PLCG2: variants seen among roughly 807,000 people sequenced by gnomAD.
PLCG2 encodes the protein 1-phosphatidylinositol 4,5-bisphosphate phosphodiesterase gamma-2.
A neutral mutation model predicts 175.6 loss-of-function variants in PLCG2; 69 were observed. The observed-to-expected ratio is 0.39, with a 90% confidence interval of 0.32 to 0.48. The LOEUF (loss-of-function observed/expected upper bound fraction) is 0.48. PLCG2 is among the 20% of genes least tolerant of loss of function. The pLI, the probability that PLCG2 is intolerant of heterozygous loss-of-function variation, is 0.91. For synonymous variants in PLCG2, 827 were observed against 624.0 expected (o/e 1.33, Z -4.85); for missense variants, 1,798 against 1,650.9 (o/e 1.09, Z -1.54).
intron 3 of PLCG2, among the ~76,000 whole-genome samples, chr16:81,856,125 C>A (rs1567500658): frequency 6.6e-6 from 1 of 152,178 alleles, no homozygotes; most frequent in Non-Finnish European, 1.5e-5. Context: ...GATTTTGATT[C>A]ACATTCCATC....
intron 30 of PLCG2, among the ~76,000 whole-genome samples, chr16:81,943,307 A>G (rs1001392993): frequency 1.3e-5 from 2 of 152,232 alleles, no homozygotes; most frequent in African/African-American, 4.8e-5. Context: ...GGGAGGCCTC[A>G]GGAAATTTAC....
At chr16:81,878,745 C>G (rs929563338) in intron 7 of PLCG2, among the ~76,000 whole-genome samples, 1 of 152,204 alleles carries the variant, frequency 6.6e-6, no homozygotes. Context: ...CGTGTCAAAG[C>G]TGGTCACTCT....
chr16:81,883,193 C>T (rs1567514975), intron 8 of PLCG2, 76 bp from the exon 9 acceptor site: 2 of 1,299,432 alleles, frequency 1.5e-6, no homozygotes, highest in South Asian at 2.4e-5. Flanking sequence ...CAGGCTGCCC[C>T]ATTGGCTGGC....
intron 7 of PLCG2, among the ~76,000 whole-genome samples, chr16:81,874,439 C>G (rs573668276): frequency 1.5e-4 from 23 of 152,306 alleles, no homozygotes; most frequent in Non-Finnish European, 3.2e-4. Context: ...AACAAAGTCC[C>G]AAGCTATGTA....
Position 81,937,577 on chromosome 16 carries a change from C to G in PLCG2, c.3053-181C>G, listed in dbSNP as rs1476567169. 3 of 439,174 alleles carry G rather than the reference C, an allele frequency of 6.8e-6. No homozygotes were observed. In the East Asian group the frequency reaches 1.0e-4, roughly 15 times the overall value. 27.2% of individuals were successfully genotyped at this position (439,174 alleles called of 1,614,324 possible). A position where few individuals can be genotyped will look rare whatever the true frequency, so the allele number is the denominator to read the frequency against. On this transcript the variant is annotated intron_variant, in intron 27 of 32. Coordinates refer to ENST00000564138, the MANE Select transcript of PLCG2 (RefSeq NM_002661.5). ...GGTGACATACTTGGAAAGGTGTTCC[C>G]CAGTCTGGGAGTTTGCTGTCTAGAA...
In PLCG2 at chr16:81,960,788, A is replaced by G; in HGVS notation, c.*2790A>G. 1 of 229,478 alleles carries G rather than the reference A, an allele frequency of 4.4e-6. No homozygotes were observed. Among genetic ancestry groups the G allele is most frequent in the Non-Finnish European group, 8.6e-6 (1 of 115,704 alleles). The allele number at this position is 229,478 out of a possible 1,614,324, so 14.2% of individuals were successfully genotyped here. On this transcript the variant is annotated 3_prime_UTR_variant, in exon 33 of 33. Coordinates refer to ENST00000564138, the MANE Select transcript of PLCG2 (RefSeq NM_002661.5). Reference sequence around the variant, plus strand: ...TAAGTCGCCATGGCCAGTGGCCTTTAGATTAAGCTAGCCTTACCCCTGGGA... The same window carrying G: ...TAAGTCGCCATGGCCAGTGGCCTTTGGATTAAGCTAGCCTTACCCCTGGGA...
At chr16:81,880,042 C>T (rs926127875) in intron 7 of PLCG2, among the ~76,000 whole-genome samples, 6 of 152,160 alleles carry the variant, frequency 3.9e-5, no homozygotes, top group African/African-American at 1.4e-4. Flanking sequence ...GAGTTCAAGA[C>T]CATCCTGGGC....
chr16:81,841,023 A>G (rs1410626163), intron 2 of PLCG2, among the ~76,000 whole-genome samples: 2 of 152,176 alleles, frequency 1.3e-5, no homozygotes, highest in African/African-American at 2.4e-5. Context: ...AATATGAAGC[A>G]TTAGAATCAC....
upstream of PLCG2, among the ~76,000 whole-genome samples, chr16:81,777,901 C>T (rs1469668025): frequency 2.0e-5 from 3 of 151,534 alleles, no homozygotes; most frequent in Non-Finnish European, 4.4e-5. Flanking sequence ...CCTATAATCC[C>T]AGCTACTCAG....
intron 30 of PLCG2, 81 bp from the exon 31 acceptor site, chr16:81,946,094 A>T: frequency 9.7e-7 from 1 of 1,034,842 alleles, no homozygotes; most frequent in Admixed American, 1.7e-5. Context: ...TAGGCCTATG[A>T]TCCCGAGGTA....
At chr16:81,943,939 A>C (rs1246450068) in intron 30 of PLCG2, among the ~76,000 whole-genome samples, 1 of 152,210 alleles carries the variant, frequency 6.6e-6, no homozygotes, top group East Asian at 1.9e-4. Flanking sequence ...ATGCTCTCAA[A>C]CATGCACAGC....
intron 2 of PLCG2, among the ~76,000 whole-genome samples, chr16:81,790,774 C>T (rs1037322363): frequency 1.3e-5 from 2 of 152,114 alleles, no homozygotes; most frequent in African/African-American, 4.8e-5. Flanking sequence ...TTGCCTCTCC[C>T]TCCCTACTCC....
Position 81,786,128 on chromosome 16 carries a change from A to T in PLCG2, c.139A>T (p.Met47Leu). Reference sequence around the variant, plus strand: ...CGAGCGGAGAACCGTCCAGGTGATCATGGAGACGCGGCAGGTGGCCTGGAG... The same window carrying T: ...CGAGCGGAGAACCGTCCAGGTGATCTTGGAGACGCGGCAGGTGGCCTGGAG... ...TPERRTVQVI[M>L]ETRQVAWSKT... The change falls in exon 2 of 33, where the codon ATG (methionine) becomes TTG (leucine). Residue 47 changes from methionine to leucine, a missense_variant. Coordinates refer to ENST00000564138, the MANE Select transcript of PLCG2 (RefSeq NM_002661.5). The T allele has an allele frequency of 6.2e-7, 1 of 1,614,200 alleles. No homozygotes were observed. The highest frequency in any genetic ancestry group is 1.3e-5 in the African/African-American group (1 of 75,056).
intron 2 of PLCG2, among the ~76,000 whole-genome samples, chr16:81,771,509 G>A (rs151208022): frequency 1.5e-4 from 23 of 152,272 alleles, no homozygotes; most frequent in African/African-American, 4.8e-4. Flanking sequence ...AGAAGTCTTC[G>A]CAGCTCCATG....
At chr16:81,882,124 C>G (rs907128997) in intron 8 of PLCG2, among the ~76,000 whole-genome samples, 2 of 152,214 alleles carry the variant, frequency 1.3e-5, no homozygotes, top group African/African-American at 4.8e-5. Context: ...AAATAGACCT[C>G]TTTTCCCCAG....
At chr16:81,957,841 A>G (rs1911637007) in intron 32 of PLCG2, 115 bp from the exon 33 acceptor site, 4 of 901,930 alleles carry the variant, frequency 4.4e-6, no homozygotes, top group East Asian at 2.5e-5. Context: ...ACTCAGCCCT[A>G]TACCATCCAG....
intron 2 of PLCG2, among the ~76,000 whole-genome samples, chr16:81,832,672 G>A (rs1905309092): frequency 6.6e-6 from 1 of 152,244 alleles, no homozygotes; most frequent in South Asian, 2.1e-4. Flanking sequence ...CCTTAGTGCT[G>A]GGATTACAGG....
At chr16:81,774,395 A>G (rs1031334831), upstream of PLCG2, among the ~76,000 whole-genome samples, 2 of 152,048 alleles carry the variant, frequency 1.3e-5, no homozygotes, top group Non-Finnish European at 2.9e-5. Flanking sequence ...CAAGCTGGCC[A>G]CAATTTAAAT....
At position 81,939,956 on chromosome 16, in the gene PLCG2, C is replaced by T. The variant is rs914989253; in HGVS notation, c.3378C>T (p.Asp1126=). 5 of 1,613,766 alleles carry T rather than the reference C, an allele frequency of 3.1e-6. No homozygotes were observed. In the African/African-American group the frequency reaches 4.0e-5, roughly 13 times the overall value. The change falls in exon 30 of 33, where the codon GAC becomes GAT. Residue 1126 remains aspartate (D), a synonymous_variant. Transcript: ENST00000564138. ...AGAAGGTGACATTTGAAATTTATGA[C>T]CCAAACCTGGCATTTCTGCGCTTTG... ...TQEKVTFEIY[D]PNLAFLRFVV...
Sources: gnomAD v4.1 joint callset for allele counts (sites outside exome capture counted in the v4.1 genomes callset) on GRCh38, gnomAD v4.1.1 for gene constraint, MANE v1.5 for transcripts, NCBI Gene and HGNC (gene_info 2026-07-23, HGNC 2026-07-21) for gene names.